The following ALK variants were observed in gnomAD, a reference collection of about 807,000 sequenced individuals.
ALK encodes the protein ALK tyrosine kinase receptor.
ALK carries 74 observed loss-of-function variants against 163.1 expected under a neutral mutation model. The observed-to-expected ratio is 0.45, with a 90% confidence interval of 0.38 to 0.55. The LOEUF is 0.55. Among genes scored for constraint, ALK ranks in the 20% least tolerant of loss-of-function variants. ALK has a pLI of 0.00. For synonymous variants in ALK, 960 were observed against 843.2 expected (o/e 1.14, Z -2.40); for missense variants, 2,063 against 2,105.3 (o/e 0.98, Z 0.39).
chr2:29,203,450 G>A (rs1234479035), intron 26 of ALK, among the ~76,000 whole-genome samples: 4 of 122,288 alleles, frequency 3.3e-5, no homozygotes, highest in Non-Finnish European at 6.5e-5. Context: ...GTGGAAGTTT[G>A]CAGGATCTTT....
intron 4 of ALK, among the ~76,000 whole-genome samples, chr2:29,452,420 G>C (rs1162077599): frequency 6.6e-6 from 1 of 150,820 alleles, no homozygotes; most frequent in Non-Finnish European, 1.5e-5. Flanking sequence ...CTCTAAAGTA[G>C]ACCTCTTTGC....
intron 2 of ALK, among the ~76,000 whole-genome samples, chr2:29,711,270 C>A (rs1003286357): frequency 6.6e-6 from 1 of 152,304 alleles, no homozygotes; most frequent in South Asian, 2.1e-4. Context: ...AACACCTTTG[C>A]ACATGCATCC....
intron 1 of ALK, among the ~76,000 whole-genome samples, chr2:29,740,648 T>G (rs1393411194): frequency 6.6e-6 from 1 of 152,198 alleles, no homozygotes; most frequent in East Asian, 1.9e-4. Context: ...ATTTGATATT[T>G]AAAAATTTAT....
intron 3 of ALK, among the ~76,000 whole-genome samples, chr2:29,588,724 T>TGTAA (rs1285117222): frequency 6.6e-6 from 1 of 152,238 alleles, no homozygotes; most frequent in Non-Finnish European, 1.5e-5. Flanking sequence ...ACAGACAATA[T>TGTAA]GTAAGCAAAT....
At chr2:29,792,057 A>G (rs955656106) in intron 1 of ALK, among the ~76,000 whole-genome samples, 11 of 152,236 alleles carry the variant, frequency 7.2e-5, no homozygotes, top group African/African-American at 2.7e-4. Flanking sequence ...CAAAACATGA[A>G]TATAATTTCT....
intron 26 of ALK, among the ~76,000 whole-genome samples, chr2:29,202,263 G>A (rs377165278): frequency 2.6e-5 from 4 of 152,100 alleles, no homozygotes; most frequent in Admixed American, 2.0e-4. Context: ...AGTTACCTCC[G>A]GTAAGGAGCT....
chr2:29,762,562 A>G (rs974514723), intron 1 of ALK, among the ~76,000 whole-genome samples: 1 of 152,230 alleles, frequency 6.6e-6, no homozygotes, highest in South Asian at 2.1e-4. Flanking sequence ...GAGGAAAAAT[A>G]TGATAATAAG....
intron 13 of ALK, among the ~76,000 whole-genome samples, chr2:29,238,614 C>G (rs1282327212): frequency 1.3e-5 from 2 of 152,174 alleles, no homozygotes; most frequent in African/African-American, 4.8e-5. Context: ...CCATTTTTCC[C>G]CCTTTCCAAG....
At chr2:29,704,212 A>T (rs945887448) in intron 2 of ALK, among the ~76,000 whole-genome samples, 3 of 152,204 alleles carry the variant, frequency 2.0e-5, no homozygotes, top group African/African-American at 7.2e-5. Context: ...CCCAGAAATT[A>T]GCATTCTTAA....
intron 3 of ALK, among the ~76,000 whole-genome samples, chr2:29,540,140 A>T (rs559127602): frequency 9.2e-5 from 14 of 152,162 alleles, no homozygotes; most frequent in Non-Finnish European, 1.9e-4. Flanking sequence ...AGGAATTTAG[A>T]TTGGCTTTAT....
chr2:29,776,531 TG>T (rs1681181769), intron 1 of ALK, among the ~76,000 whole-genome samples: 2 of 152,170 alleles, frequency 1.3e-5, no homozygotes, highest in African/African-American at 2.4e-5. Flanking sequence ...TCATGGCAAA[TG>T]GGAGTGAAAT....
intron 4 of ALK, among the ~76,000 whole-genome samples, chr2:29,390,304 C>G (rs4666211): frequency 1 from 151,849 of 152,266 alleles, 75,719 homozygotes; most frequent in Non-Finnish European, 1. Context: ...AGCTGGGATG[C>G]CCAAACTCAC....
At chr2:29,875,771 T>C (rs144812646) in intron 1 of ALK, among the ~76,000 whole-genome samples, 2,161 of 152,220 alleles carry the variant, frequency 0.014, 40 homozygotes, top group African/African-American at 0.043. Flanking sequence ...CTCATTTTTT[T>C]ATGGCTGCAT....
At chr2:29,682,854 G>A (rs1015611391) in intron 3 of ALK, among the ~76,000 whole-genome samples, 2 of 152,098 alleles carry the variant, frequency 1.3e-5, no homozygotes, top group African/African-American at 4.8e-5. Context: ...AACAAATGCT[G>A]ATCACAACAG....
chr2:29,214,722 G>A (rs886505683), intron 23 of ALK, among the ~76,000 whole-genome samples: 1 of 152,200 alleles, frequency 6.6e-6, no homozygotes, highest in Non-Finnish European at 1.5e-5. Flanking sequence ...TTCCTGGACA[G>A]CCTTGCTGAG....
At chr2:29,332,119 T>C (rs1667457032) in intron 5 of ALK, among the ~76,000 whole-genome samples, 1 of 151,084 alleles carries the variant, frequency 6.6e-6, no homozygotes, top group African/African-American at 2.4e-5. Context: ...ACCCCGTCTC[T>C]ACTAAAAATA....
chr2:29,422,651 A>G (rs983709278), intron 4 of ALK, among the ~76,000 whole-genome samples: 6 of 152,164 alleles, frequency 3.9e-5, no homozygotes, highest in Non-Finnish European at 5.9e-5. Context: ...CTAGTTAGGC[A>G]CCTTTACATC....
At chr2:29,360,438 G>A (rs1668360179) in intron 5 of ALK, among the ~76,000 whole-genome samples, 1 of 152,170 alleles carries the variant, frequency 6.6e-6, no homozygotes, top group Non-Finnish European at 1.5e-5. Context: ...CTGGAGACAG[G>A]AAGTGCAGAG....
intron 4 of ALK, among the ~76,000 whole-genome samples, chr2:29,452,089 G>T (rs1383979762): frequency 1.3e-5 from 2 of 152,162 alleles, no homozygotes; most frequent in African/African-American, 4.8e-5. Flanking sequence ...TTTAACGAAG[G>T]AGGTTGCACT....
Sources: allele counts gnomAD v4.1 joint callset (sites outside exome capture counted in the v4.1 genomes callset), GRCh38; gene constraint gnomAD v4.1.1; transcripts MANE v1.5; gene names NCBI Gene and HGNC (gene_info 2026-07-23, HGNC 2026-07-21).